The following DNAH8 variants were observed in gnomAD, a reference collection of about 807,000 sequenced individuals.
DNAH8 encodes the protein dynein axonemal heavy chain 8, also known as axonemal beta dynein heavy chain 8.
DNAH8 carries 382 observed loss-of-function variants against 562.1 expected under a neutral mutation model. The ratio of observed to expected loss-of-function variants is 0.68; its 90% confidence interval spans 0.63 to 0.74. DNAH8 has a LOEUF of 0.74. Among genes scored for constraint, DNAH8 ranks in the 30% least tolerant of loss-of-function variants. The pLI is 0.00. For missense variants in DNAH8, 5,203 were observed against 5,620.4 expected (o/e 0.93, Z 2.37); for synonymous variants, 1,881 against 1,919.4 (o/e 0.98, Z 0.52).
rs16891134 is a variant in DNAH8 at position 38,852,505 on chromosome 6, C to T, written c.5467-189C>T. ...TTTGCAGGACTTGGAGAAAACATTC[C>T]TCTGGCCTTGATTTTAAAAAGTAGA... On this transcript the variant is annotated intron_variant, in intron 39 of 92. Coordinates refer to ENST00000327475, the MANE Select transcript of DNAH8 (RefSeq NM_001206927.2). Among the ~76,000 whole-genome samples the T allele has an allele frequency of 0.01, 1,559 of 152,242 alleles. 89 individuals are homozygous for T. The East Asian group carries it at 0.15, about 14-fold the overall frequency.
At position 38,872,619 on chromosome 6, in the gene DNAH8, A is replaced by AATGAAGGC; in HGVS notation, c.7075_7082dup (p.Gln2362Ter). The AATGAAGGC allele has an allele frequency of 6.2e-7, 1 of 1,614,128 alleles. No individual in the cohort carries two copies. The highest frequency in any genetic ancestry group is 8.5e-7 in the Non-Finnish European group (1 of 1,179,984). ...GAAAGACAACCGTTATCACGATTCT[A>AATGAAGGC]ATGAAGGCGCAAACAGAATGCGGAA... On this transcript the variant is annotated frameshift_variant, in exon 50 of 93. Coordinates refer to ENST00000327475, the MANE Select transcript of DNAH8 (RefSeq NM_001206927.2). LOFTEE classifies it high-confidence loss of function.
At chr6:38,715,954 A>ATTTT (rs1410399802) in intron 1 of DNAH8, among the ~76,000 whole-genome samples, 1 of 37,544 alleles carries the variant, frequency 2.7e-5, no homozygotes, top group African/African-American at 1.7e-4. Flanking sequence ...ATATATATAT[A>ATTTT]TATATATTTT....
At chr6:39,002,703 T>G (rs950953313) in intron 88 of DNAH8, among the ~76,000 whole-genome samples, 7 of 152,356 alleles carry the variant, frequency 4.6e-5, no homozygotes, top group Admixed American at 4.6e-4. Flanking sequence ...ATATCTAAAA[T>G]ATACTATACA....
rs199500941 is a variant in DNAH8 at position 38,909,791 on chromosome 6, A to T, written c.9740+47A>T. On this transcript the variant is annotated intron_variant, in intron 65 of 92. Coordinates refer to ENST00000327475, the MANE Select transcript of DNAH8 (RefSeq NM_001206927.2). ...CCATCGCTATGGAACCACAGCATGT[A>T]TTCCCAAGAGGAATGCATTGTAACA... 42 of 1,457,964 alleles carry T rather than the reference A, an allele frequency of 2.9e-5. No homozygotes were observed. The East Asian group carries it at 9.4e-4, about 32-fold the overall frequency. 90.3% of individuals were successfully genotyped at this position (1,457,964 alleles called of 1,614,324 possible).
intron 65 of DNAH8, among the ~76,000 whole-genome samples, chr6:38,910,549 C>T (rs961779758): frequency 6.6e-6 from 1 of 152,258 alleles, no homozygotes; most frequent in Non-Finnish European, 1.5e-5. Context: ...TCAGTGTATA[C>T]TAATTCTTAC....
intron 5 of DNAH8, 27 bp downstream of exon 5, chr6:38,734,652 A>G (rs1763942463): frequency 1.9e-6 from 3 of 1,601,616 alleles, no homozygotes; most frequent in Admixed American, 1.7e-5. Flanking sequence ...CCCCAAATAC[A>G]TAGTTAAACA....
At chr6:38,729,048 C>G (rs776733166) in intron 3 of DNAH8, among the ~76,000 whole-genome samples, 2 of 152,058 alleles carry the variant, frequency 1.3e-5, no homozygotes, top group Non-Finnish European at 1.5e-5. Flanking sequence ...ACTAAAAATA[C>G]AAAAATTAGC....
intron 1 of DNAH8, among the ~76,000 whole-genome samples, chr6:38,720,500 C>G (rs761320643): frequency 6.6e-6 from 1 of 152,150 alleles, no homozygotes; most frequent in Non-Finnish European, 1.5e-5. Flanking sequence ...TTACTAGAAC[C>G]GAGGCAAACC....
rs922457709 is a variant in DNAH8 at position 39,003,999 on chromosome 6, A to G, written c.13215-4815A>G. 5.3e-5 allele frequency among the ~76,000 whole-genome samples: 8 copies of G among 150,688 alleles called. No individual in the cohort carries two copies. In the East Asian group the frequency reaches 9.8e-4, roughly 18 times the overall value. On this transcript the variant is annotated intron_variant, in intron 88 of 92. Coordinates refer to ENST00000327475, the MANE Select transcript of DNAH8 (RefSeq NM_001206927.2). ...CCATTTCATTTTTTTTCTCTTCTCT[A>G]GTTTGGAAATTATGTACTCTGTTTC...
At chr6:38,728,482 A>G (rs1273877331) in intron 3 of DNAH8, among the ~76,000 whole-genome samples, 4 of 110,400 alleles carry the variant, frequency 3.6e-5, no homozygotes, top group African/African-American at 1.1e-4. Context: ...ATTGCATTTG[A>G]TATTTTGATG....
At chr6:38,788,164 T>G (rs941322198) in intron 18 of DNAH8, among the ~76,000 whole-genome samples, 13 of 151,612 alleles carry the variant, frequency 8.6e-5, no homozygotes, top group East Asian at 1.9e-4. Flanking sequence ...TGTTTTTTTT[T>G]TTGTTGTTGT....
intron 79 of DNAH8, among the ~76,000 whole-genome samples, chr6:38,941,770 A>T (rs1472086453): frequency 1.3e-5 from 2 of 152,162 alleles, no homozygotes; most frequent in African/African-American, 4.8e-5. Flanking sequence ...GGTAGGGGGC[A>T]TTGAAGCGTG....
At position 38,972,660 on chromosome 6, in the gene DNAH8, T is replaced by C. The variant is rs187927414; in HGVS notation, c.12525+995T>C. Among the ~76,000 whole-genome samples the C allele has an allele frequency of 2.6e-3, 396 of 152,294 alleles. 1 individual carries two copies. The highest frequency in any genetic ancestry group is 9.0e-3 in the African/African-American group (373 of 41,558). On this transcript the variant is annotated intron_variant, in intron 83 of 92. Coordinates refer to ENST00000327475, the MANE Select transcript of DNAH8 (RefSeq NM_001206927.2). ...ACTAGCCTTTATAACTTCCATGGTC[T>C]GTTTGTCAAAGTGGGGTAAGTATTG...
chr6:38,812,689 G>T (rs1442758746), intron 24 of DNAH8, among the ~76,000 whole-genome samples: 2 of 151,850 alleles, frequency 1.3e-5, no homozygotes, highest in African/African-American at 4.8e-5. Flanking sequence ...GATGCAGGTG[G>T]ATTTCCCCCC....
At chr6:38,978,888 T>C (rs1763847604) in intron 85 of DNAH8, among the ~76,000 whole-genome samples, 1 of 152,262 alleles carries the variant, frequency 6.6e-6, no homozygotes, top group African/African-American at 2.4e-5. Flanking sequence ...TCAAATTAAG[T>C]AGGGAGTGGA....
At chr6:38,729,236 A>AAACAAACAAACT (rs1763473095) in intron 3 of DNAH8, among the ~76,000 whole-genome samples, 1 of 151,514 alleles carries the variant, frequency 6.6e-6, no homozygotes. Context: ...ACAAACAAAC[A>AAACAAACAAACT]AACAAACTCT....
intron 62 of DNAH8, among the ~76,000 whole-genome samples, chr6:38,904,031 C>T (rs1447854620): frequency 6.6e-6 from 1 of 152,208 alleles, no homozygotes; most frequent in African/African-American, 2.4e-5. Context: ...TTTCTATCTC[C>T]TTCACTAAGC....
intron 4 of DNAH8, among the ~76,000 whole-genome samples, chr6:38,731,235 A>G (rs1479871872): frequency 6.6e-6 from 1 of 152,252 alleles, no homozygotes; most frequent in African/African-American, 2.4e-5. Context: ...AAGATAAAAT[A>G]TCTATAATTA....
Position 38,883,881 on chromosome 6 carries a change from A to G in DNAH8, c.8142A>G (p.Thr2714=). The change falls in exon 56 of 93, where the codon ACA becomes ACG. Residue 2714 remains threonine (T), a synonymous_variant. Coordinates refer to ENST00000327475, the MANE Select transcript of DNAH8 (RefSeq NM_001206927.2). ...SATEPMMFQR[T]IESYVDKRIG... ...AAACGTTTCCTTCTCTCTAGAGAACAATTGAAAGCTACGTGGATAAGCGAA... is the reference window on the plus strand; with the variant it reads ...AAACGTTTCCTTCTCTCTAGAGAACGATTGAAAGCTACGTGGATAAGCGAA... The G allele has an allele frequency of 6.3e-7, 1 of 1,578,260 alleles. No homozygotes were observed. The highest frequency in any genetic ancestry group is 8.6e-7 in the Non-Finnish European group (1 of 1,161,288).
Sources: allele counts gnomAD v4.1 joint callset (sites outside exome capture counted in the v4.1 genomes callset), GRCh38; gene constraint gnomAD v4.1.1; transcripts MANE v1.5; gene names NCBI Gene and HGNC (gene_info 2026-07-23, HGNC 2026-07-21).